BCAS3: variants seen among roughly 807,000 people sequenced by gnomAD.
BCAS3 encodes BCAS3 microtubule associated cell migration factor.
In BCAS3, 53 loss-of-function variants were observed where a neutral mutation model predicts 116.1. The observed-to-expected ratio is 0.46, with a 90% confidence interval of 0.37 to 0.57. BCAS3 has a LOEUF of 0.57. BCAS3 is among the 20% of genes least tolerant of loss of function. The pLI is 0.00. For synonymous variants in BCAS3, 391 were observed against 408.2 expected (o/e 0.96, Z 0.51); for missense variants, 917 against 1,165.4 (o/e 0.79, Z 3.10).
At position 61,156,707 on chromosome 17, in the gene BCAS3, G is replaced by A. The variant is rs1367985731; in HGVS notation, c.2425+72143G>A. ...GATGTGAATCCTTGGAATCCTAATTGGCACATAACAATAATTGTTTCTATC... is the reference window on the plus strand; with the variant it reads ...GATGTGAATCCTTGGAATCCTAATTAGCACATAACAATAATTGTTTCTATC... On this transcript the variant is annotated intron_variant, in intron 22 of 23. Coordinates refer to ENST00000407086, the MANE Select transcript of BCAS3 (RefSeq NM_017679.5). This position sits in a 1 kb window ranked among gnomAD's most constrained non-coding sequence, Gnocchi z 4.7. Among the ~76,000 whole-genome samples the A allele has an allele frequency of 6.6e-6, 1 of 151,988 alleles. No homozygotes were observed. Among genetic ancestry groups the A allele is most frequent in the East Asian group, 1.9e-4 (1 of 5,186 alleles).
chr17:61,326,304 G>T lies in BCAS3; in HGVS notation c.2426-42023G>T, dbSNP rs149337667. Among the ~76,000 whole-genome samples, 3 of 152,150 alleles carry T rather than the reference G, an allele frequency of 2.0e-5. No individual in the cohort carries two copies. Among genetic ancestry groups the T allele is most frequent in the Middle Eastern group, 3.2e-3 (1 of 316 alleles). ...GGGAGTAAGAGGGGAAGAGGAAAAA[G>T]AAATGCTTAAGGAGTTGAAAGAGGG... On this transcript the variant is annotated intron_variant, in intron 22 of 23. Transcript: ENST00000407086. This position sits in a 1 kb window ranked among gnomAD's most constrained non-coding sequence, Gnocchi z 5.3.
chr17:60,980,134 T>C (rs1465269908), intron 14 of BCAS3, among the ~76,000 whole-genome samples: 2 of 152,104 alleles, frequency 1.3e-5, no homozygotes, highest in Admixed American at 6.6e-5. Flanking sequence ...CCTGGACTCT[T>C]TTTGGTTGGT....
At chr17:60,952,320 CT>C (rs201469779) in intron 14 of BCAS3, among the ~76,000 whole-genome samples, 202 of 148,146 alleles carry the variant, frequency 1.4e-3, no homozygotes, top group Admixed American at 4.0e-3. Context: ...TATTTTTAAA[CT>C]TTTTTTTTTT....
chr17:61,160,018 T>A (rs1393269789), intron 22 of BCAS3, among the ~76,000 whole-genome samples: 1 of 134,244 alleles, frequency 7.4e-6, no homozygotes, highest in Admixed American at 7.8e-5. Flanking sequence ...GTAGTGACAG[T>A]CTCGCTGGTA....
rs932576307 is a variant in BCAS3 at position 61,377,316 on chromosome 17, A to G, written c.2593+8822A>G. Among the ~76,000 whole-genome samples, 1 of 152,332 alleles carries G rather than the reference A, an allele frequency of 6.6e-6. No individual in the cohort carries two copies. The highest frequency in any genetic ancestry group is 2.1e-4 in the South Asian group (1 of 4,828). ...CGGGACAAGAGGGAGCAGCTGCGCC[A>G]GCGAGACTGTGGGACAGCCGGTGGC... On this transcript the variant is annotated intron_variant, in intron 23 of 23. Transcript: ENST00000407086. This position sits in a 1 kb window ranked among gnomAD's most constrained non-coding sequence, Gnocchi z 4.6.
intron 9 of BCAS3, among the ~76,000 whole-genome samples, chr17:60,879,399 A>G (rs2055908585): frequency 6.6e-6 from 1 of 152,216 alleles, no homozygotes; most frequent in Admixed American, 6.5e-5. Context: ...CATCATGGGA[A>G]TTTGTGCCAA....
chr17:61,257,413 T>A, intron 22 of BCAS3, among the ~76,000 whole-genome samples: 1 of 99,288 alleles, frequency 1.0e-5, no homozygotes, highest in African/African-American at 4.1e-5. Flanking sequence ...AGAGCGAGAC[T>A]CCATCTCAAA....
At chr17:60,761,907 G>T (rs1319092814) in intron 6 of BCAS3, among the ~76,000 whole-genome samples, 1 of 151,416 alleles carries the variant, frequency 6.6e-6, no homozygotes, top group Non-Finnish European at 1.5e-5. Context: ...TCTAATTCGT[G>T]TGAGATGGTA....
At chr17:61,009,981 G>A (rs2064997321) in intron 15 of BCAS3, among the ~76,000 whole-genome samples, 1 of 151,352 alleles carries the variant, frequency 6.6e-6, no homozygotes, top group Non-Finnish European at 1.5e-5. Context: ...TATTTTCCTT[G>A]TAGCATCTGT....
At chr17:60,947,991 C>T (rs547342200) in intron 14 of BCAS3, among the ~76,000 whole-genome samples, 2 of 152,282 alleles carry the variant, frequency 1.3e-5, no homozygotes, top group East Asian at 3.9e-4. Flanking sequence ...ATCACGTACA[C>T]GTGCATGGGT....
intron 7 of BCAS3, among the ~76,000 whole-genome samples, chr17:60,830,553 G>A (rs1157147323): frequency 1.3e-5 from 2 of 152,140 alleles, no homozygotes; most frequent in Non-Finnish European, 2.9e-5. Flanking sequence ...TTTTGTTCAG[G>A]ATTGTACAAG....
At chr17:61,035,104 CT>C (rs2066915779) in intron 17 of BCAS3, among the ~76,000 whole-genome samples, 1 of 152,146 alleles carries the variant, frequency 6.6e-6, no homozygotes, top group Non-Finnish European at 1.5e-5. Flanking sequence ...AGTTTCACCC[CT>C]GGTCTGTGAA....
intron 12 of BCAS3, among the ~76,000 whole-genome samples, chr17:60,922,287 C>T (rs563656789): frequency 1.8e-4 from 28 of 152,142 alleles, no homozygotes; most frequent in African/African-American, 5.1e-4. Context: ...CCACCATGTC[C>T]GGCTAATTTT....
At chr17:60,822,472 C>T (rs865867514) in intron 7 of BCAS3, among the ~76,000 whole-genome samples, 4 of 152,264 alleles carry the variant, frequency 2.6e-5, no homozygotes, top group South Asian at 2.1e-4. Flanking sequence ...ACTTACCTCA[C>T]GTAAGCTCTT....
chr17:61,144,317 C>T lies in BCAS3; in HGVS notation c.2425+59753C>T, dbSNP rs751547635. ...GCAAGTGACTCCCTACCATCTCCTC[C>T]GAGTCTTCTACGTGTATGTCTAGAT... On this transcript the variant is annotated intron_variant, in intron 22 of 23. Coordinates refer to ENST00000407086, the MANE Select transcript of BCAS3 (RefSeq NM_017679.5). The surrounding 1 kb of genome is among the most constrained non-coding windows in gnomAD (Gnocchi z 5.0). 2.6e-5 allele frequency among the ~76,000 whole-genome samples: 4 copies of T among 152,166 alleles called. No homozygotes were observed. Among genetic ancestry groups the T allele is most frequent in the Admixed American group, 1.3e-4 (2 of 15,276 alleles).
chr17:61,154,437 ATT>A (rs375714479), intron 22 of BCAS3, among the ~76,000 whole-genome samples: 51 of 141,396 alleles, frequency 3.6e-4, no homozygotes, highest in African/African-American at 6.0e-4. Flanking sequence ...AGCACAAGCA[ATT>A]TTTTTTTTTT....
intron 15 of BCAS3, among the ~76,000 whole-genome samples, chr17:60,992,700 A>G (rs951513375): frequency 2.0e-5 from 3 of 152,216 alleles, no homozygotes; most frequent in Admixed American, 6.5e-5. Flanking sequence ...CAATGCTTAT[A>G]TTTCAAAAAA....
Position 61,248,167 on chromosome 17 carries a change from C to CA in BCAS3, c.2426-120158dup, listed in dbSNP as rs1475651937. Among the ~76,000 whole-genome samples, 5 of 152,116 alleles carry CA rather than the reference C, an allele frequency of 3.3e-5. No homozygotes were observed. Among genetic ancestry groups the CA allele is most frequent in the African/African-American group, 1.2e-4 (5 of 41,408 alleles). On this transcript the variant is annotated intron_variant, in intron 22 of 23. Coordinates refer to ENST00000407086, the MANE Select transcript of BCAS3 (RefSeq NM_017679.5). The surrounding 1 kb of genome is among the most constrained non-coding windows in gnomAD (Gnocchi z 4.3). The stretch of plus-strand genomic sequence containing the variant: ...CTGAGCACTTCTTGGATCCTTTCCC[C>CA]AACAAAGCCACCAAGGGAACTTCTT...
At chr17:60,924,277 G>T in intron 12 of BCAS3, 130 bp from the exon 13 acceptor site, 1 of 707,394 alleles carries the variant, frequency 1.4e-6, no homozygotes. Flanking sequence ...CCTTATATTG[G>T]CAAGAATAAT....
Sources: gnomAD v4.1 joint callset for allele counts (sites outside exome capture counted in the v4.1 genomes callset) on GRCh38, gnomAD v4.1.1 for gene constraint, Gnocchi (gnomAD v3.1) non-coding constraint, MANE v1.5 for transcripts, NCBI Gene and HGNC (gene_info 2026-07-23, HGNC 2026-07-21) for gene names.